SULT1A1: variants seen among roughly 807,000 people sequenced by gnomAD.
The protein encoded by SULT1A1 is sulfotransferase 1A1.
In SULT1A1, 35 loss-of-function variants were observed where a neutral mutation model predicts 36.8. The observed-to-expected ratio is 0.95, with a 90% CI of 0.73 to 1.26. The LOEUF (loss-of-function observed/expected upper bound fraction) is 1.26, where lower values mean the gene tolerates loss of function less well. Ranked by LOEUF, SULT1A1 falls within the 50% of genes most tolerant of loss-of-function variation. SULT1A1 has a pLI of 0.00. For missense variants in SULT1A1, 309 were observed against 383.0 expected (o/e 0.81, Z 1.61); for synonymous variants, 119 against 146.0 (o/e 0.82, Z 1.33).
At chr16:28,610,877 C>G (rs1399528405), upstream of SULT1A1, 1 of 152,192 alleles carries the variant, frequency 6.6e-6, no homozygotes, top group African/African-American at 2.4e-5. Flanking sequence ...AAGCTGTGCA[C>G]GAGACAGGTA....
chr16:28,609,758 G>A (rs1317549135), intron 1 of SULT1A1, 173 bp downstream of exon 1: 1 of 820,066 alleles, frequency 1.2e-6, no homozygotes, highest in East Asian at 6.5e-5. Context: ...CCTCCCCGGG[G>A]AAAAAAACAA....
At chr16:28,622,609 G>A (rs1198377452) in intron 1 of SULT1A1, among the ~76,000 whole-genome samples, 1 of 152,110 alleles carries the variant, frequency 6.6e-6, no homozygotes, top group East Asian at 1.9e-4. Flanking sequence ...TGCCCCCCAG[G>A]GTCACGGGTC....
At position 28,605,709 on chromosome 16, in the gene SULT1A1, G is replaced by C; in HGVS notation, c.*112C>G. ...CTCCCACCTCAGCCTCCAAATTGCTGGGATTACAGACATGACCTACCGTCC... is the reference window on the plus strand; with the variant it reads ...CTCCCACCTCAGCCTCCAAATTGCTCGGATTACAGACATGACCTACCGTCC... On this transcript the variant is annotated 3_prime_UTR_variant, in exon 8 of 8. Transcript: ENST00000314752. The C allele has an allele frequency of 6.5e-7, 1 of 1,541,456 alleles. No homozygotes were observed. The highest frequency in any genetic ancestry group is 8.8e-7 in the Non-Finnish European group (1 of 1,132,656).
intron 6 of SULT1A1, 135 bp from the exon 7 acceptor site, chr16:28,606,371 C>A: frequency 6.7e-7 from 1 of 1,482,406 alleles, no homozygotes; most frequent in Non-Finnish European, 9.2e-7. Flanking sequence ...CCTCAACCCC[C>A]AGGGCCCCAG....
chr16:28,621,929 C>T (rs1378352188), intron 1 of SULT1A1, among the ~76,000 whole-genome samples: 1 of 152,226 alleles, frequency 6.6e-6, no homozygotes, highest in African/African-American at 2.4e-5. Context: ...TGACCTCAAC[C>T]TGTTCTTCCC....
At chr16:28,609,798 C>A (rs2047375893) in intron 1 of SULT1A1, 133 bp downstream of exon 1, 1 of 1,001,022 alleles carries the variant, frequency 1.0e-6, no homozygotes, top group Non-Finnish European at 1.3e-6. Context: ...GGGATTCACG[C>A]AGGCCAGGGT....
At position 28,605,327 on chromosome 16, in the gene SULT1A1, G is replaced by T. The variant is rs2047133049; in HGVS notation, c.*494C>A. 2 of 238,990 alleles carry T rather than the reference G, an allele frequency of 8.4e-6. No homozygotes were observed. Among genetic ancestry groups the T allele is most frequent in the Non-Finnish European group, 1.7e-5 (2 of 119,316 alleles). The allele number at this position is 238,990 out of a possible 1,614,324, so 14.8% of individuals were successfully genotyped here. A position where few individuals can be genotyped will look rare whatever the true frequency, so the allele number is the denominator to read the frequency against. ...TTGCTCTGTCCCTCAGGCTTGAGTG[G>T]ATTAGCCCAGTCAGCCCACTGCAGC... On this transcript the variant is annotated 3_prime_UTR_variant, in exon 8 of 8. Transcript: ENST00000314752.
intron 4 of SULT1A1, 106 bp downstream of exon 4, chr16:28,608,185 C>T (rs923394731): frequency 1.4e-6 from 2 of 1,471,792 alleles, no homozygotes; most frequent in Non-Finnish European, 1.9e-6. Context: ...CAAGGTTCTT[C>T]TATGTTGCTC....
chr16:28,609,467 T>C (rs1452231617), intron 1 of SULT1A1: 1 of 1,199,494 alleles, frequency 8.3e-7, no homozygotes, highest in South Asian at 1.3e-5. Context: ...CTCTGATGAC[T>C]CAGCAAAAGC....
At chr16:28,615,742 C>T (rs28676837) in intron 2 of SULT1A1, among the ~76,000 whole-genome samples, 91,067 of 152,000 alleles carry the variant, frequency 0.6, 28,276 homozygotes, top group East Asian at 0.94. Flanking sequence ...GCTGAAGGGT[C>T]AGGGTAAAGA....
chr16:28,618,330 C>T (rs1319362948), intron 2 of SULT1A1, among the ~76,000 whole-genome samples: 4 of 145,938 alleles, frequency 2.7e-5, no homozygotes, highest in Non-Finnish European at 6.0e-5. Context: ...GAGCCGGCTA[C>T]TTCCCGCTCT....
rs1433290866 is a variant in SULT1A1, at chr16:28,606,950, C to T, written c.499+1G>A. 4 of 1,612,530 alleles carry T rather than the reference C, an allele frequency of 2.5e-6. No homozygotes were observed. The East Asian group carries it at 6.7e-5, about 27-fold the overall frequency. ...ACTTTCCTTCCTCCCATCAAACCCACCTTCTCCGACCATGAACTTCTCCAG... is the reference window on the plus strand; with the variant it reads ...ACTTTCCTTCCTCCCATCAAACCCATCTTCTCCGACCATGAACTTCTCCAG... On this transcript the variant is annotated splice_donor_variant, in intron 5 of 7. Coordinates refer to ENST00000314752, the MANE Select transcript of SULT1A1 (RefSeq NM_001055.4). LOFTEE classifies it high-confidence loss of function.
chr16:28,617,356 G>A (rs1357328627), intron 2 of SULT1A1, among the ~76,000 whole-genome samples: 1 of 152,016 alleles, frequency 6.6e-6, no homozygotes. Flanking sequence ...ACACCTCCTC[G>A]CTGTGCTGAG....
rs2047179945 is a variant in SULT1A1, at chr16:28,606,244, G to A, written c.595-8C>T. ...AATCTCCCTTTTCGGGTTCTGAGCA[G>A]CAGAGGGCCCCTCAGTGGAGGCTCG... On this transcript the variant is annotated splice_polypyrimidine_tract_variant and splice_region_variant and intron_variant, in intron 6 of 7. Coordinates refer to ENST00000314752, the MANE Select transcript of SULT1A1 (RefSeq NM_001055.4). 1 of 1,610,760 alleles carries A rather than the reference G, an allele frequency of 6.2e-7. No individual in the cohort carries two copies. The highest frequency in any genetic ancestry group is 8.5e-7 in the Non-Finnish European group (1 of 1,177,644).
At position 28,605,578 on chromosome 16, in the gene SULT1A1, C is replaced by T; in HGVS notation, c.*243G>A. 1.4e-6 allele frequency: 1 copy of T among 692,098 alleles called. No individual in the cohort carries two copies. The highest frequency in any genetic ancestry group is 2.0e-5 in the South Asian group (1 of 51,112). 42.9% of individuals were successfully genotyped at this position (692,098 alleles called of 1,614,324 possible). On this transcript the variant is annotated 3_prime_UTR_variant, in exon 8 of 8. Coordinates refer to ENST00000314752, the MANE Select transcript of SULT1A1 (RefSeq NM_001055.4). ...TGAGCCACTCTGCCTGGCCCACAAT[C>T]ATATTTTATTCTCTTTTTAAAAATT... is the stretch of plus-strand genomic sequence containing the variant.
At chr16:28,606,909 C>G in intron 5 of SULT1A1, 42 bp downstream of exon 5, 1 of 1,612,340 alleles carries the variant, frequency 6.2e-7, no homozygotes, top group Non-Finnish European at 8.5e-7. Context: ...TTGTAGCCAC[C>G]ACCCCTTAGC....
intron 2 of SULT1A1, among the ~76,000 whole-genome samples, chr16:28,617,832 C>G (rs1422724130): frequency 6.6e-6 from 1 of 151,954 alleles, no homozygotes; most frequent in Non-Finnish European, 1.5e-5. Context: ...GCCCGGCCGA[C>G]AATTTCTTAT....
At chr16:28,618,337 C>G (rs976910072) in intron 2 of SULT1A1, among the ~76,000 whole-genome samples, 84 of 80,664 alleles carry the variant, frequency 1.0e-3, no homozygotes, top group Non-Finnish European at 1.9e-3. Context: ...CTACTTCCCG[C>G]TCTTTTTTTT....
At chr16:28,618,339 C>CTTTTTTTTTTTT (rs546277570) in intron 2 of SULT1A1, among the ~76,000 whole-genome samples, 4 of 72,400 alleles carry the variant, frequency 5.5e-5, no homozygotes, top group Non-Finnish European at 7.3e-5. Flanking sequence ...ACTTCCCGCT[C>CTTTTTTTTTTTT]TTTTTTTTTT....
Sources: gnomAD v4.1 joint callset for allele counts (sites outside exome capture counted in the v4.1 genomes callset) on GRCh38, gnomAD v4.1.1 for gene constraint, MANE v1.5 for transcripts, NCBI Gene and HGNC (gene_info 2026-07-23, HGNC 2026-07-21) for gene names.